Variants in PTBP3 observed in about 807,000 individuals in gnomAD.
The protein encoded by PTBP3 is polypyrimidine tract binding protein 3, also known as polypyrimidine tract-binding protein 3.
In PTBP3, 20 loss-of-function variants were observed where a neutral mutation model predicts 58.7. That is an observed-to-expected ratio of 0.34 (90% CI 0.24 to 0.50). The LOEUF is 0.50. Ranked by LOEUF, PTBP3 falls within the 20% of genes least tolerant of loss-of-function variation. The pLI is 0.98. For missense variants in PTBP3, 509 were observed against 637.2 expected (o/e 0.80, Z 2.17); for synonymous variants, 185 against 219.8 (o/e 0.84, Z 1.40).
the PTBP3 span, among the ~76,000 whole-genome samples, chr9:112,341,778 G>A: frequency 6.6e-6 from 1 of 152,180 alleles, no homozygotes. Context: ...CAAGTAAGGT[G>A]TGCTTTCTCT....
chr9:112,283,696 C>T (rs752687431), intron 2 of PTBP3, among the ~76,000 whole-genome samples: 3 of 152,206 alleles, frequency 2.0e-5, no homozygotes, highest in African/African-American at 7.2e-5. Flanking sequence ...ATTGCCAAGA[C>T]GATATGGAAA....
At chr9:112,315,463 T>C (rs1829664908) in intron 1 of PTBP3, among the ~76,000 whole-genome samples, 1 of 152,020 alleles carries the variant, frequency 6.6e-6, no homozygotes, top group South Asian at 2.1e-4. Flanking sequence ...AGTTGTGGGA[T>C]GCAGCTAAAG....
chr9:112,309,840 T>G (rs894182929), intron 1 of PTBP3, among the ~76,000 whole-genome samples: 1 of 151,656 alleles, frequency 6.6e-6, no homozygotes, highest in South Asian at 2.1e-4. Context: ...GAATAAACAA[T>G]AGTCAATAGG....
At chr9:112,244,430 T>C (rs576798425) in intron 7 of PTBP3, among the ~76,000 whole-genome samples, 52 of 151,912 alleles carry the variant, frequency 3.4e-4, no homozygotes, top group Non-Finnish European at 2.9e-5. Context: ...TCCTAGTGCT[T>C]TGGGAAGCAG....
intron 7 of PTBP3, among the ~76,000 whole-genome samples, chr9:112,241,869 A>C (rs1554789761): frequency 6.6e-6 from 1 of 152,178 alleles, no homozygotes; most frequent in Non-Finnish European, 1.5e-5. Flanking sequence ...ATTAGTTTGC[A>C]TTTTATAGAA....
chr9:112,221,574 T>G lies in PTBP3; in HGVS notation c.*2277A>C. 4 of 985,610 alleles carry G rather than the reference T, an allele frequency of 4.1e-6. No homozygotes were observed. 61.1% of individuals were successfully genotyped at this position (985,610 alleles called of 1,614,324 possible). A position where few individuals can be genotyped will look rare whatever the true frequency, so the allele number is the denominator to read the frequency against. On this transcript the variant is annotated 3_prime_UTR_variant, in exon 14 of 14. Coordinates refer to ENST00000374257, the MANE Select transcript of PTBP3 (RefSeq NM_001163788.4). ...AAAAAAAGCAAGTTTTGGGAGATTT[T>G]GCAAAGAAATTTTTTTCCTCCTTCA...
intron 1 of PTBP3, among the ~76,000 whole-genome samples, chr9:112,308,378 A>G (rs988801368): frequency 8.4e-6 from 1 of 119,746 alleles, no homozygotes; most frequent in African/African-American, 3.2e-5. Flanking sequence ...AAAAAAAAAA[A>G]AAACTTTTCT....
At chr9:112,309,769 CAGAG>C (rs1379764125) in intron 1 of PTBP3, among the ~76,000 whole-genome samples, 2 of 144,956 alleles carry the variant, frequency 1.4e-5, no homozygotes, top group African/African-American at 2.5e-5. Flanking sequence ...GCCTGGGCGA[CAGAG>C]AGAGACTCCG....
the PTBP3 span, among the ~76,000 whole-genome samples, chr9:112,356,874 C>CT: frequency 0.18 from 16,306 of 90,638 alleles, 3,229 homozygotes; most frequent in East Asian, 0.27. Context: ...TCATTTCCCT[C>CT]TTTTTTTTTT....
chr9:112,335,890 C>G (rs1830573572), upstream of PTBP3, among the ~76,000 whole-genome samples: 1 of 148,436 alleles, frequency 6.7e-6, no homozygotes, highest in Non-Finnish European at 1.5e-5. Flanking sequence ...CCACTGCACT[C>G]CACCCTGTGT....
intron 1 of PTBP3, among the ~76,000 whole-genome samples, chr9:112,317,140 C>G (rs1357494271): frequency 6.6e-6 from 1 of 151,784 alleles, no homozygotes; most frequent in Non-Finnish European, 1.5e-5. Context: ...AAAACATTAG[C>G]TGGGCACGGT....
chr9:112,258,904 C>T (rs1452726521), intron 5 of PTBP3, among the ~76,000 whole-genome samples: 1 of 152,180 alleles, frequency 6.6e-6, no homozygotes, highest in East Asian at 1.9e-4. Flanking sequence ...CCACCATCAT[C>T]TCTCACTTGA....
the PTBP3 span, among the ~76,000 whole-genome samples, chr9:112,369,571 A>T: frequency 3.3e-5 from 5 of 152,202 alleles, no homozygotes; most frequent in African/African-American, 4.8e-5. Flanking sequence ...GCCTGTACTC[A>T]CATTGTATCT....
chr9:112,233,197 C>CTGACTTTTGCA (rs1183099757), intron 8 of PTBP3, among the ~76,000 whole-genome samples: 1 of 151,702 alleles, frequency 6.6e-6, no homozygotes. Context: ...CAGTCCAACC[C>CTGACTTTTGCA]TGACTTTTGC....
At chr9:112,318,853 C>CA (rs771173501) in intron 1 of PTBP3, among the ~76,000 whole-genome samples, 15 of 150,408 alleles carry the variant, frequency 1.0e-4, no homozygotes, top group Non-Finnish European at 1.9e-4. Flanking sequence ...ATGGGCCGGG[C>CA]ACAGTGGCTC....
intron 1 of PTBP3, among the ~76,000 whole-genome samples, chr9:112,311,165 C>T (rs1829456745): frequency 6.6e-6 from 1 of 150,756 alleles, no homozygotes; most frequent in Non-Finnish European, 1.5e-5. Context: ...GGATTAAGGG[C>T]CAGGGCAGTT....
intron 4 of PTBP3, among the ~76,000 whole-genome samples, chr9:112,265,083 G>C (rs192565192): frequency 6.6e-6 from 1 of 152,256 alleles, no homozygotes; most frequent in East Asian, 1.9e-4. Flanking sequence ...CCAATTCCAA[G>C]TGTGTTTTTT....
intron 1 of PTBP3, among the ~76,000 whole-genome samples, chr9:112,331,165 T>C (rs545866656): frequency 1.3e-5 from 2 of 151,780 alleles, no homozygotes; most frequent in Admixed American, 6.6e-5. Context: ...TAGAAAGATA[T>C]GTTGACTGGT....
intron 1 of PTBP3, among the ~76,000 whole-genome samples, chr9:112,303,445 C>T (rs1188573749): frequency 6.6e-6 from 1 of 152,114 alleles, no homozygotes; most frequent in Non-Finnish European, 1.5e-5. Flanking sequence ...TTCTCAGATA[C>T]CTTGAGGTCT....
Sources: gnomAD v4.1 joint callset for allele counts (sites outside exome capture counted in the v4.1 genomes callset) on GRCh38, gnomAD v4.1.1 for gene constraint, MANE v1.5 for transcripts, NCBI Gene and HGNC (gene_info 2026-07-23, HGNC 2026-07-21) for gene names.